SLC16A8: variants seen among roughly 807,000 people sequenced by gnomAD.
SLC16A8 encodes the protein monocarboxylate transporter 3.
Under a neutral mutation model 22.4 loss-of-function variants are expected in SLC16A8, and 20 were observed. That is an observed-to-expected ratio of 0.89 (90% CI 0.63 to 1.30). The LOEUF (loss-of-function observed/expected upper bound fraction) is 1.30, where lower values mean the gene tolerates loss of function less well. Among genes scored for constraint, SLC16A8 ranks in the 50% most tolerant of loss-of-function variants. The pLI, the probability that SLC16A8 is intolerant of heterozygous loss-of-function variation, is 0.00. For missense variants in SLC16A8, 817 were observed against 740.3 expected (o/e 1.10, Z -1.20); for synonymous variants, 393 against 358.8 (o/e 1.10, Z -1.08).
At position 38,081,080 on chromosome 22, in the gene SLC16A8, G is replaced by C. The variant is rs2085908758; in HGVS notation, c.958C>G (p.Pro320Ala). Reference sequence around the variant, plus strand: ...AGCAGGGCCAGGCTGAACAGATACGGGACGTGCGGCCGCAGACGCGCCAGG... The same window carrying C: ...AGCAGGGCCAGGCTGAACAGATACGCGACGTGCGGCCGCAGACGCGCCAGG... Reference protein sequence around the residue: ...AGLARLRPHVPYLFSLALLAN... With the variant: ...AGLARLRPHVAYLFSLALLAN... Residue 320 changes from proline to alanine, a missense_variant, in exon 5 of 6, where the codon CCG becomes GCG. By Grantham distance (27) the Pro-to-Ala change is conservative (BLOSUM62 -1). Coordinates refer to ENST00000681075, the MANE Select transcript of SLC16A8 (RefSeq NM_013356.3). The C allele has an allele frequency of 6.4e-7, 1 of 1,569,594 alleles. No homozygotes were observed. The highest frequency in any genetic ancestry group is 8.6e-7 in the Non-Finnish European group (1 of 1,161,600).
Position 38,082,762 on chromosome 22 carries a change from C to A in SLC16A8, c.112G>T (p.Ala38Ser). 1 of 1,593,792 alleles carries A rather than the reference C, an allele frequency of 6.3e-7. No individual in the cohort carries two copies. The highest frequency in any genetic ancestry group is 1.1e-5 in the South Asian group (1 of 88,838). ...AGCGCGCGGAAGAAGACGCTCACGG[C>A]TTTGGGGAAGCCGTAGGCGAAGCCG... is the stretch of plus-strand genomic sequence containing the variant. ...VTGFAYGFPK[A>S]VSVFFRALMR... The change falls in exon 3 of 6, where the codon GCC becomes TCC. Residue 38 changes from alanine to serine, a missense_variant. Ala to Ser is a moderately conservative substitution (Grantham distance 99, BLOSUM62 1). Coordinates refer to ENST00000681075, the MANE Select transcript of SLC16A8 (RefSeq NM_013356.3).
chr22:38,078,416 C>A lies in SLC16A8; in HGVS notation c.1487G>T (p.Arg496Met), dbSNP rs375557172. Residue 496 changes from arginine (R) to methionine (M), a missense_variant, in exon 6 of 6, where the codon AGG becomes ATG. Coordinates refer to ENST00000681075, the MANE Select transcript of SLC16A8 (RefSeq NM_013356.3). ...GEPTEPEIEARPRLAAESV is the reference protein window; with the variant it reads ...GEPTEPEIEAMPRLAAESV ...TACAGACTCGGCAGCCAGCCTCGGC[C>A]TCGCCTCTATTTCTGGTTCTGTGGG... 1.9e-6 allele frequency: 3 copies of A among 1,605,810 alleles called. No individual in the cohort carries two copies. The highest frequency in any genetic ancestry group is 2.5e-6 in the Non-Finnish European group (3 of 1,178,336).
chr22:38,081,183 G>A lies in SLC16A8; in HGVS notation c.855C>T (p.Asp285=), dbSNP rs772372325. Residue 285 remains aspartate, a synonymous_variant, in exon 5 of 6, where the codon GAC becomes GAT. Transcript: ENST00000681075. ...VNYAKDAGVP[D]TDAAFLLSIV... ...TGGACAGCAGGAAGGCGGCGTCGGT[G>A]TCGGGCACGCCCGCGTCCTTGGCGT... 6.4e-6 allele frequency: 10 copies of A among 1,555,988 alleles called. No homozygotes were observed. The highest frequency in any genetic ancestry group is 7.8e-6 in the Non-Finnish European group (9 of 1,149,974).
At position 38,081,608 on chromosome 22, in the gene SLC16A8, G is replaced by T; in HGVS notation, c.430C>A (p.Leu144Met). 1 of 1,520,294 alleles carries T rather than the reference G, an allele frequency of 6.6e-7. No individual in the cohort carries two copies. 94.2% of individuals were successfully genotyped at this position (1,520,294 alleles called of 1,614,324 possible). Reference sequence around the variant, plus strand: ...CCCGCCGCCGCCAGCCCGTTGGCCAGAGGCCGCCGCCGCTCGAAGTACAGC... The same window carrying T: ...CCCGCCGCCGCCAGCCCGTTGGCCATAGGCCGCCGCCGCTCGAAGTACAGC... ...LGLYFERRRP[L>M]ANGLAAAGSP... Residue 144 changes from leucine to methionine, a missense_variant, in exon 5 of 6, where the codon CTG becomes ATG. By Grantham distance (15) the Leu-to-Met change is conservative. Transcript: ENST00000681075.
Position 38,078,278 on chromosome 22 carries a change from G to A in SLC16A8, c.*110C>T, listed in dbSNP as rs542674311. 5.8e-4 allele frequency: 598 copies of A among 1,038,394 alleles called. No individual in the cohort carries two copies. The highest frequency in any genetic ancestry group is 7.5e-4 in the Non-Finnish European group (534 of 713,106). 64.3% of individuals were successfully genotyped at this position (1,038,394 alleles called of 1,614,324 possible). A position where few individuals can be genotyped will look rare whatever the true frequency, so the allele number is the denominator to read the frequency against. On this transcript the variant is annotated 3_prime_UTR_variant, in exon 6 of 6. Transcript: ENST00000681075. ...CCAGGGGATCAACTGGAGCCCAGAC[G>A]TGGACCCCGGGAGTGACCACCCCAG... is the stretch of plus-strand genomic sequence containing the variant.
In SLC16A8 at chr22:38,081,351, C is replaced by A. The variant is rs1418304933; in HGVS notation, c.687G>T (p.Leu229=). The A allele has an allele frequency of 6.8e-7, 1 of 1,460,278 alleles. No individual in the cohort carries two copies. Among genetic ancestry groups the A allele is most frequent in the Non-Finnish European group, 9.0e-7 (1 of 1,108,350 alleles). The allele number at this position is 1,460,278 out of a possible 1,614,324, so 90.5% of individuals were successfully genotyped here. ...EAEADGAGLQ[L]REASPRVRPR... The stretch of plus-strand genomic sequence containing the variant: ...GCCGGACCCTGGGGGATGCCTCGCG[C>A]AGCTGCAGCCCCGCACCGTCAGCCT... Residue 229 remains leucine (L), a synonymous_variant, in exon 5 of 6, where the codon CTG becomes CTT. Transcript: ENST00000681075.
At chr22:38,082,938 A>AG (rs1362266055) in intron 2 of SLC16A8, 57 bp from the exon 3 acceptor site, 3 of 1,099,858 alleles carry the variant, frequency 2.7e-6, no homozygotes, top group African/African-American at 1.6e-5. Flanking sequence ...CTAGAGAAGG[A>AG]GGGGGATGGA....
chr22:38,078,676 A>G lies in SLC16A8; in HGVS notation c.1227T>C (p.Tyr409=). The change falls in exon 6 of 6, where the codon TAT becomes TAC. Residue 409 remains tyrosine (Y), a synonymous_variant. Transcript: ENST00000681075. ...AGCCGGCCAGGTAGAAGATGATCTC[A>G]TAGTTCTTCAACACATCCACCAGGC... is the stretch of plus-strand genomic sequence containing the variant. The part of the protein sequence containing the change: ...AGRLVDVLKN[Y]EIIFYLAGSE... 6.2e-7 allele frequency: 1 copy of G among 1,600,652 alleles called. No homozygotes were observed. Among genetic ancestry groups the G allele is most frequent in the Non-Finnish European group, 8.6e-7 (1 of 1,168,638 alleles).
intron 5 of SLC16A8, among the ~76,000 whole-genome samples, chr22:38,079,925 T>G (rs1353220597): frequency 3.3e-5 from 5 of 152,190 alleles, no homozygotes; most frequent in Non-Finnish European, 5.9e-5. Flanking sequence ...CCGTTCTCAC[T>G]GGGTCAGGTG....
At position 38,081,433 on chromosome 22, in the gene SLC16A8, G is replaced by C; in HGVS notation, c.605C>G (p.Pro202Arg). The change falls in exon 5 of 6, where the codon CCG becomes CGG. Residue 202 changes from proline to arginine, a missense_variant. Coordinates refer to ENST00000681075, the MANE Select transcript of SLC16A8 (RefSeq NM_013356.3). ...AVMRPPPGPGPRPRRDSAGDR... is the reference protein window; with the variant it reads ...AVMRPPPGPGRRPRRDSAGDR... ...GCCGGCGCTGTCCCTGCGCGGTCGC[G>C]GGCCCGGCCCGGGCGGCGGCCTCAT... 1 of 1,284,368 alleles carries C rather than the reference G, an allele frequency of 7.8e-7. No individual in the cohort carries two copies. The highest frequency in any genetic ancestry group is 9.8e-7 in the Non-Finnish European group (1 of 1,022,674). The allele number at this position is 1,284,368 out of a possible 1,614,324, so 79.6% of individuals were successfully genotyped here. A position where few individuals can be genotyped will look rare whatever the true frequency, so the allele number is the denominator to read the frequency against.
In SLC16A8 at chr22:38,083,985, C is replaced by G. The variant is rs2085962388; in HGVS notation, c.-329+3G>C. On this transcript the variant is annotated splice_donor_region_variant and intron_variant, in intron 1 of 5. Coordinates refer to ENST00000681075, the MANE Select transcript of SLC16A8 (RefSeq NM_013356.3). ...TCCCAGGCAGCCCTCACATCACACTCACCTGAGCCTGCCTCGTGGGTTTGG... is the reference window on the plus strand; with the variant it reads ...TCCCAGGCAGCCCTCACATCACACTGACCTGAGCCTGCCTCGTGGGTTTGG... The G allele has an allele frequency of 6.6e-6, 1 of 152,344 alleles. No homozygotes were observed. The highest frequency in any genetic ancestry group is 1.5e-5 in the Non-Finnish European group (1 of 68,138). 9.4% of individuals were successfully genotyped at this position (152,344 alleles called of 1,614,324 possible). A position where few individuals can be genotyped will look rare whatever the true frequency, so the allele number is the denominator to read the frequency against.
intron 1 of SLC16A8, among the ~76,000 whole-genome samples, chr22:38,083,625 C>T (rs1399023985): frequency 6.6e-6 from 1 of 152,238 alleles, no homozygotes; most frequent in African/African-American, 2.4e-5. Context: ...AGAGAGTGGC[C>T]TTCTGCCCTC....
chr22:38,080,648 C>T (rs1056595650), intron 5 of SLC16A8, among the ~76,000 whole-genome samples, 192 bp downstream of exon 5: 2 of 152,204 alleles, frequency 1.3e-5, no homozygotes, highest in African/African-American at 4.8e-5. Context: ...CTGCACCTTC[C>T]TGGGCTTTTC....
intron 4 of SLC16A8, 47 bp downstream of exon 4, chr22:38,081,842 A>G: frequency 6.4e-7 from 1 of 1,552,710 alleles, no homozygotes. Flanking sequence ...TTGCAGCAAG[A>G]ACCCCCGACC....
At chr22:38,079,638 G>A (rs530410112) in intron 5 of SLC16A8, among the ~76,000 whole-genome samples, 4 of 152,270 alleles carry the variant, frequency 2.6e-5, no homozygotes, top group African/African-American at 7.2e-5. Flanking sequence ...ATGTTGCCCC[G>A]GCTGGTTTCA....
At chr22:38,080,678 C>T (rs570621965) in intron 5 of SLC16A8, among the ~76,000 whole-genome samples, 162 bp downstream of exon 5, 2 of 152,318 alleles carry the variant, frequency 1.3e-5, no homozygotes, top group Admixed American at 6.5e-5. Flanking sequence ...CCAGAGCGGG[C>T]GGTCCGGCTT....
rs377606337 is a variant in SLC16A8, at chr22:38,081,195, C to G, written c.843G>C (p.Ala281=). 1.1e-5 allele frequency: 17 copies of G among 1,560,104 alleles called. No homozygotes were observed. The highest frequency in any genetic ancestry group is 1.3e-5 in the Non-Finnish European group (15 of 1,152,500). Residue 281 remains alanine (A), a synonymous_variant, in exon 5 of 6, where the codon GCG becomes GCC. Coordinates refer to ENST00000681075, the MANE Select transcript of SLC16A8 (RefSeq NM_013356.3). The part of the protein sequence containing the change: ...AILLVNYAKD[A]GVPDTDAAFL... ...AGGCGGCGTCGGTGTCGGGCACGCC[C>G]GCGTCCTTGGCGTAGTTCACCAGCA...
chr22:38,079,443 C>G (rs2085887936), intron 5 of SLC16A8, among the ~76,000 whole-genome samples: 1 of 152,218 alleles, frequency 6.6e-6, no homozygotes, highest in South Asian at 2.1e-4. Context: ...TCTTTTGAGA[C>G]AGGGTCTCAC....
In SLC16A8 at chr22:38,081,950, C is replaced by G; in HGVS notation, c.297G>C (p.Met99Ile). Reference protein sequence around the residue: ...LAGGLLASAGMILASFATRLL... With the variant: ...LAGGLLASAGIILASFATRLL... ...GGCGCGTGGCAAAGGAAGCTAGGAT[C>G]ATGCCCGCGGAAGCCAGCAGCCCAC... is the stretch of plus-strand genomic sequence containing the variant. Residue 99 changes from methionine (M) to isoleucine (I), a missense_variant, in exon 4 of 6, where the codon ATG becomes ATC. Physicochemically the swap from Met to Ile is conservative, Grantham distance 10 (BLOSUM62 1). Transcript: ENST00000681075. The G allele has an allele frequency of 6.4e-7, 1 of 1,567,728 alleles. No individual in the cohort carries two copies.
Sources: gnomAD v4.1 joint callset for allele counts (sites outside exome capture counted in the v4.1 genomes callset) on GRCh38, gnomAD v4.1.1 for gene constraint, MANE v1.5 for transcripts, NCBI Gene and HGNC (gene_info 2026-07-23, HGNC 2026-07-21) for gene names.